The following GPR155 variants were observed in gnomAD, a reference collection of about 807,000 sequenced individuals.
The protein encoded by GPR155 is G protein-coupled receptor 155, also known as lysosomal cholesterol signaling protein.
GPR155 carries 65 observed loss-of-function variants against 93.1 expected under a neutral mutation model. The ratio of observed to expected loss-of-function variants is 0.70; its 90% CI spans 0.57 to 0.86. The LOEUF is 0.86. Among genes scored for constraint, GPR155 ranks in the 40% least tolerant of loss-of-function variants. The pLI is 0.00. For missense variants in GPR155, 838 were observed against 1,034.8 expected (o/e 0.81, Z 2.61); for synonymous variants, 319 against 360.1 (o/e 0.89, Z 1.29).
intron 13 of GPR155, 29 bp downstream of exon 13, chr2:174,445,052 A>T: frequency 4.5e-6 from 5 of 1,117,578 alleles, no homozygotes; most frequent in Non-Finnish European, 5.5e-6. Flanking sequence ...GAAGACAAAA[A>T]CCCCTCAAAG....
At chr2:174,469,752 T>TA (rs912991843) in intron 4 of GPR155, among the ~76,000 whole-genome samples, 3 of 152,106 alleles carry the variant, frequency 2.0e-5, no homozygotes, top group African/African-American at 4.8e-5. Flanking sequence ...TAGTTAAAAC[T>TA]AAAAAAACTG....
chr2:174,470,866 T>A (rs1687975662), intron 3 of GPR155, among the ~76,000 whole-genome samples: 1 of 152,244 alleles, frequency 6.6e-6, no homozygotes, highest in Non-Finnish European at 1.5e-5. Flanking sequence ...GTTGCAATTC[T>A]AGCTACTTTC....
intron 3 of GPR155, 130 bp downstream of exon 3, chr2:174,472,835 C>A: frequency 1.5e-6 from 1 of 680,496 alleles, no homozygotes; most frequent in Non-Finnish European, 2.4e-6. Context: ...TTTCCTTTAT[C>A]TCACAACTAT....
At chr2:174,445,403 A>C in intron 12 of GPR155, 1 of 390,204 alleles carries the variant, frequency 2.6e-6, no homozygotes, top group East Asian at 4.4e-5. Flanking sequence ...GATTTGAAGC[A>C]AGAAGACATG....
rs1216963232 is a variant in GPR155 at position 174,470,475 on chromosome 2, G to A, written c.941C>T (p.Ser314Leu). Residue 314 changes from serine (S) to leucine (L), a missense_variant, in exon 4 of 16, where the codon TCA becomes TTA. By Grantham distance (145) the Ser-to-Leu change is moderately radical (BLOSUM62 -2). This residue lies in a region of GPR155 where 663 missense variants were observed against 790.1 expected (regional missense o/e 0.84). Coordinates refer to ENST00000392552, the MANE Select transcript of GPR155 (RefSeq NM_152529.7). ...TACACCATACAGAAATGCATAATTT[G>A]ATAAACTTGTATGGTTCACCACACT... ...GDSVVNHTSLSNYAFLYGVFP... is the reference protein window; with the variant it reads ...GDSVVNHTSLLNYAFLYGVFP... The A allele has an allele frequency of 6.2e-7, 1 of 1,613,556 alleles. No homozygotes were observed. Among genetic ancestry groups the A allele is most frequent in the South Asian group, 1.1e-5 (1 of 91,070 alleles).
At chr2:174,485,545 C>A (rs992600681) in intron 1 of GPR155, among the ~76,000 whole-genome samples, 3 of 149,782 alleles carry the variant, frequency 2.0e-5, no homozygotes, top group Admixed American at 1.3e-4. Flanking sequence ...TGCAGTGAGC[C>A]GAGATCCTGC....
In GPR155 at chr2:174,466,588, T is replaced by A. The variant is rs1687843805; in HGVS notation, c.1222A>T (p.Lys408Ter). ...LAILLLSKKY[K>*]QLPHMLTTNL... The stretch of plus-strand genomic sequence containing the variant: ...GTTGTAAGCATATGAGGAAGCTGTT[T>A]ATATTTCTTACTCAAAAGAAGAATA... The change falls in exon 6 of 16, where the codon AAA (lysine) becomes TAA (stop). Residue 408 changes from lysine (K) to a stop codon, truncating the protein, a stop_gained. Coordinates refer to ENST00000392552, the MANE Select transcript of GPR155 (RefSeq NM_152529.7). LOFTEE classifies it high-confidence loss of function. 1.3e-6 allele frequency: 2 copies of A among 1,593,928 alleles called. No individual in the cohort carries two copies. The highest frequency in any genetic ancestry group is 1.7e-6 in the Non-Finnish European group (2 of 1,164,752).
At chr2:174,437,289 G>T (rs1375067058) in intron 15 of GPR155, among the ~76,000 whole-genome samples, 1 of 152,096 alleles carries the variant, frequency 6.6e-6, no homozygotes, top group Admixed American at 6.6e-5. Context: ...AATGGTGGAT[G>T]AAGATCAAGG....
At chr2:174,484,993 C>T (rs1425395495) in intron 1 of GPR155, among the ~76,000 whole-genome samples, 4 of 152,118 alleles carry the variant, frequency 2.6e-5, no homozygotes, top group Non-Finnish European at 4.4e-5. Flanking sequence ...CTTCAAAAAA[C>T]GGCAGCAATT....
rs1173638286 is a variant in GPR155 at position 174,453,670 on chromosome 2, A to G, written c.1876+67T>C. The G allele has an allele frequency of 2.4e-5, 16 of 680,820 alleles. 2 individuals are homozygous for G. The highest frequency in any genetic ancestry group is 3.2e-5 in the Non-Finnish European group (13 of 401,460). 42.2% of individuals were successfully genotyped at this position (680,820 alleles called of 1,614,324 possible). The stretch of plus-strand genomic sequence containing the variant: ...GCAAGACTCCGTCTCAAAAAAAAGA[A>G]AAAAAAAAAAAAGAATAAGGAATCT... On this transcript the variant is annotated intron_variant, in intron 11 of 15. Coordinates refer to ENST00000392552, the MANE Select transcript of GPR155 (RefSeq NM_152529.7).
chr2:174,481,673 A>T lies in GPR155; in HGVS notation c.284T>A (p.Phe95Tyr), dbSNP rs754103050. 7 of 1,614,172 alleles carry T rather than the reference A, an allele frequency of 4.3e-6. No individual in the cohort carries two copies. The South Asian group carries it at 5.5e-5, about 13-fold the overall frequency. ...LLFKNMVVLN[F>Y]SNVDWSFLYS... ...TAGGAAGGACCAGTCCACATTGGAA[A>T]AATTAAGTACAACCATGTTTTTGAA... Residue 95 changes from phenylalanine (F) to tyrosine (Y), a missense_variant, in exon 2 of 16, where the codon TTT becomes TAT. Physicochemically the swap from Phe to Tyr is conservative, Grantham distance 22. Coordinates refer to ENST00000392552, the MANE Select transcript of GPR155 (RefSeq NM_152529.7).
intron 2 of GPR155, among the ~76,000 whole-genome samples, chr2:174,478,782 A>G (rs528057659): frequency 6.6e-6 from 1 of 152,078 alleles, no homozygotes; most frequent in South Asian, 2.1e-4. Context: ...TGAGCAAGAG[A>G]GTGGGAATTC....
At chr2:174,436,727 A>G (rs999478918) in intron 15 of GPR155, among the ~76,000 whole-genome samples, 43 of 152,248 alleles carry the variant, frequency 2.8e-4, no homozygotes, top group African/African-American at 1.0e-3. Flanking sequence ...CTGTTATCAG[A>G]TCTGTCCTGT....
At chr2:174,449,869 G>C (rs916925889) in intron 11 of GPR155, among the ~76,000 whole-genome samples, 1 of 152,126 alleles carries the variant, frequency 6.6e-6, no homozygotes, top group Admixed American at 6.5e-5. Flanking sequence ...CCAGCTACTC[G>C]GGAGGCTGAG....
intron 14 of GPR155, among the ~76,000 whole-genome samples, chr2:174,441,334 G>A (rs1686951909): frequency 6.6e-6 from 1 of 151,576 alleles, no homozygotes. Context: ...ATACGTCCTA[G>A]TAAAAGTTTC....
intron 9 of GPR155, 31 bp from the exon 10 acceptor site, chr2:174,460,119 C>A: frequency 1.2e-5 from 15 of 1,294,424 alleles, no homozygotes; most frequent in Non-Finnish European, 1.5e-5. Context: ...TATCAGGCCA[C>A]TTTTCACAAC....
Position 174,434,651 on chromosome 2 carries a change from G to C in GPR155, c.*1465C>G, listed in dbSNP as rs1015937122. The C allele has an allele frequency of 2.6e-5, 4 of 152,022 alleles. No individual in the cohort carries two copies. Among genetic ancestry groups the C allele is most frequent in the African/African-American group, 9.7e-5 (4 of 41,364 alleles). 9.4% of individuals were successfully genotyped at this position (152,022 alleles called of 1,614,324 possible). On this transcript the variant is annotated 3_prime_UTR_variant, in exon 16 of 16. Transcript: ENST00000392552. ...GACAGGGTCTTGCTCTGTCACCCAG[G>C]TTGAAGTGCAGTGATGTGATCTTGG...
chr2:174,466,494 G>T, intron 6 of GPR155, 50 bp downstream of exon 6: 1 of 1,011,306 alleles, frequency 9.9e-7, no homozygotes, highest in Non-Finnish European at 1.5e-6. Flanking sequence ...CTCTACAGTA[G>T]AATAATCCAT....
chr2:174,454,496 C>G (rs1687429431), intron 10 of GPR155, among the ~76,000 whole-genome samples: 1 of 151,988 alleles, frequency 6.6e-6, no homozygotes, highest in Admixed American at 6.6e-5. Context: ...TTACAAAAAG[C>G]TTTTTAAAAA....
Sources: allele counts gnomAD v4.1 joint callset (sites outside exome capture counted in the v4.1 genomes callset), GRCh38; gene constraint gnomAD v4.1.1; regional missense constraint gnomAD v4.1.1; transcripts MANE v1.5; gene names NCBI Gene and HGNC (gene_info 2026-07-23, HGNC 2026-07-21).